The following ASTN2 variants were observed in gnomAD, a reference collection of about 807,000 sequenced individuals.
ASTN2 encodes the protein astrotactin-2.
Under a neutral mutation model 139.8 loss-of-function variants are expected in ASTN2, and 54 were observed. The observed-to-expected ratio is 0.39, with a 90% confidence interval of 0.31 to 0.48. The LOEUF (loss-of-function observed/expected upper bound fraction) is 0.48, where lower values mean the gene tolerates loss of function less well. ASTN2 is among the 20% of genes least tolerant of loss of function. ASTN2 has a pLI of 0.95. For synonymous variants in ASTN2, 756 were observed against 719.5 expected (o/e 1.05, Z -0.81); for missense variants, 1,565 against 1,725.1 (o/e 0.91, Z 1.64).
intron 1 of ASTN2, among the ~76,000 whole-genome samples, chr9:117,300,491 G>C (rs1245766147): frequency 6.6e-6 from 1 of 152,226 alleles, no homozygotes; most frequent in Non-Finnish European, 1.5e-5. Context: ...GCAGAAAAAG[G>C]AAAGTCAGCA....
At chr9:117,104,976 A>G (rs1829068467) in intron 4 of ASTN2, among the ~76,000 whole-genome samples, 1 of 152,124 alleles carries the variant, frequency 6.6e-6, no homozygotes, top group South Asian at 2.1e-4. Context: ...GGAGAAGCTC[A>G]CCAATCTAGC....
chr9:116,749,490 A>G (rs186564742), intron 13 of ASTN2, among the ~76,000 whole-genome samples: 1 of 152,170 alleles, frequency 6.6e-6, no homozygotes, highest in Admixed American at 6.5e-5. Context: ...TAACTACAGA[A>G]CTTACCCACA....
chr9:117,405,413 G>C (rs1370864140), intron 1 of ASTN2, among the ~76,000 whole-genome samples: 1 of 152,184 alleles, frequency 6.6e-6, no homozygotes, highest in Non-Finnish European at 1.5e-5. Context: ...CAGCACTGTA[G>C]AAAGAATAGA....
At chr9:116,872,071 C>A (rs1588371840) in intron 10 of ASTN2, among the ~76,000 whole-genome samples, 2 of 152,282 alleles carry the variant, frequency 1.3e-5, no homozygotes, top group East Asian at 1.9e-4. Flanking sequence ...TCAAGCAATT[C>A]TCCTGCCTCA....
intron 10 of ASTN2, among the ~76,000 whole-genome samples, chr9:116,891,289 C>T (rs1833756016): frequency 6.6e-6 from 1 of 152,136 alleles, no homozygotes; most frequent in South Asian, 2.1e-4. Flanking sequence ...GAAGATATTT[C>T]GCTTTTGTTT....
chr9:117,321,222 T>C (rs1007987483), intron 1 of ASTN2, among the ~76,000 whole-genome samples: 5 of 152,174 alleles, frequency 3.3e-5, no homozygotes, highest in Admixed American at 6.6e-5. Flanking sequence ...GTGGATGCAG[T>C]AGAAGAATCA....
rs1046053160 is a variant in ASTN2, at chr9:116,423,518, A to G, written c.*2333T>C. Among the ~76,000 whole-genome samples, 28 of 152,330 alleles carry G rather than the reference A, an allele frequency of 1.8e-4. 1 individual carries two copies. The highest frequency in any genetic ancestry group is 1.8e-3 in the Admixed American group (27 of 15,296). Reference sequence around the variant, plus strand: ...GGTTGGGTCAAGACAATGGAAAGCAACAGCAACCTGATAGCTCTCTGAAAA... The same window carrying G: ...GGTTGGGTCAAGACAATGGAAAGCAGCAGCAACCTGATAGCTCTCTGAAAA... On this transcript the variant is annotated 3_prime_UTR_variant, in exon 23 of 23. Transcript: ENST00000313400.
intron 19 of ASTN2, among the ~76,000 whole-genome samples, chr9:116,512,035 C>T (rs1040700747): frequency 2.0e-5 from 3 of 152,004 alleles, no homozygotes; most frequent in East Asian, 1.9e-4. Flanking sequence ...TTATTTCTTG[C>T]CTTCTGCTAG....
intron 19 of ASTN2, among the ~76,000 whole-genome samples, chr9:116,496,339 C>T (rs1409626965): frequency 1.3e-5 from 2 of 152,088 alleles, no homozygotes; most frequent in Non-Finnish European, 2.9e-5. Context: ...GCTGGGAGCA[C>T]AAGCATAAAG....
At chr9:117,188,187 A>AGAGAGAGAC (rs1450384663) in intron 3 of ASTN2, among the ~76,000 whole-genome samples, 2 of 66,812 alleles carry the variant, frequency 3.0e-5, no homozygotes, top group Non-Finnish European at 6.7e-5. Context: ...AGAGAGAGAG[A>AGAGAGAGAC]GAGAGACAGA....
chr9:116,726,033 C>T, intron 15 of ASTN2, 83 bp from the exon 16 acceptor site: 1 of 1,398,648 alleles, frequency 7.1e-7, no homozygotes, highest in Non-Finnish European at 9.7e-7. Flanking sequence ...GAGTTCTTCC[C>T]AACCTGTATT....
chr9:116,802,024 C>T (rs1300498277), intron 13 of ASTN2, among the ~76,000 whole-genome samples: 3 of 151,074 alleles, frequency 2.0e-5, no homozygotes, highest in African/African-American at 7.3e-5. Context: ...AAAATTGTGT[C>T]TGGGACTGGA....
chr9:116,592,620 AT>A (rs1025911528), intron 19 of ASTN2, among the ~76,000 whole-genome samples: 6 of 152,124 alleles, frequency 3.9e-5, no homozygotes, highest in Non-Finnish European at 7.4e-5. Flanking sequence ...GTTTTCAAGT[AT>A]TTTCCATTTG....
chr9:117,299,893 T>C (rs1222414606), intron 1 of ASTN2, among the ~76,000 whole-genome samples: 1 of 152,184 alleles, frequency 6.6e-6, no homozygotes, highest in Non-Finnish European at 1.5e-5. Context: ...CTTATATTTT[T>C]GTGATCCCTC....
At chr9:117,410,404 G>A (rs1564190272) in intron 1 of ASTN2, among the ~76,000 whole-genome samples, 1 of 152,132 alleles carries the variant, frequency 6.6e-6, no homozygotes, top group Non-Finnish European at 1.5e-5. Flanking sequence ...CCACCCTCAT[G>A]TTACCAGTAA....
At chr9:117,355,587 G>T (rs1466978148) in intron 1 of ASTN2, among the ~76,000 whole-genome samples, 1 of 152,160 alleles carries the variant, frequency 6.6e-6, no homozygotes, top group African/African-American at 2.4e-5. Flanking sequence ...GGAGGCTGAG[G>T]GGCTGCCAGG....
At position 116,791,012 on chromosome 9, in the gene ASTN2, AAAGAAAGAAAG is replaced by A. The variant is rs1396829723; in HGVS notation, c.2396+14609_2396+14619del. 8.6e-4 allele frequency among the ~76,000 whole-genome samples: 110 copies of A among 127,620 alleles called. 2 individuals carry two copies. The highest frequency in any genetic ancestry group is 3.0e-3 in the African/African-American group (106 of 35,028). 83.7% of individuals were successfully genotyped at this position (127,620 alleles called of 152,430 possible). A position where few individuals can be genotyped will look rare whatever the true frequency, so the allele number is the denominator to read the frequency against. On this transcript the variant is annotated intron_variant, in intron 13 of 22. Coordinates refer to ENST00000313400, the MANE Select transcript of ASTN2 (RefSeq NM_001365068.1). ...GAAAGAAAGAAAGAAAGAAAGAAAG[AAAGAAAGAAAG>A]AAAGAAAGAAAGAAAGAAAGAAAAG...
intron 20 of ASTN2, among the ~76,000 whole-genome samples, chr9:116,485,527 A>C (rs1249230167): frequency 6.6e-6 from 1 of 152,236 alleles, no homozygotes; most frequent in Non-Finnish European, 1.5e-5. Flanking sequence ...CCAGAGCCCA[A>C]GGTGTTGGTG....
At chr9:116,543,679 CTT>C (rs910350711) in intron 19 of ASTN2, 2 of 152,198 alleles carry the variant, frequency 1.3e-5, no homozygotes, top group African/African-American at 4.8e-5. Flanking sequence ...CCAGTGGCCT[CTT>C]TTGAAAAGTC....
Sources: allele counts gnomAD v4.1 joint callset (sites outside exome capture counted in the v4.1 genomes callset), GRCh38; gene constraint gnomAD v4.1.1; transcripts MANE v1.5; gene names NCBI Gene and HGNC (gene_info 2026-07-23, HGNC 2026-07-21).